ANK1: variants seen among roughly 807,000 people sequenced by gnomAD.
The protein encoded by ANK1 is ankyrin 1.
Under a neutral mutation model 210.4 loss-of-function variants are expected in ANK1, and 51 were observed. The observed-to-expected ratio is 0.24, with a 90% confidence interval of 0.19 to 0.31. The LOEUF (loss-of-function observed/expected upper bound fraction) is 0.31. ANK1 is among the 10% of genes least tolerant of loss of function. ANK1 has a pLI of 1.00. For missense variants in ANK1, 2,051 were observed against 2,504.4 expected (o/e 0.82, Z 3.86); for synonymous variants, 967 against 1,025.9 (o/e 0.94, Z 1.10).
At chr8:41,827,047 GT>G (rs1179196914) in intron 1 of ANK1, among the ~76,000 whole-genome samples, 1 of 152,188 alleles carries the variant, frequency 6.6e-6, no homozygotes, top group Non-Finnish European at 1.5e-5. Flanking sequence ...TTGAGAATTG[GT>G]TTTCTGTTGC....
chr8:41,805,693 T>C (rs1009427196), intron 1 of ANK1, among the ~76,000 whole-genome samples: 1 of 152,214 alleles, frequency 6.6e-6, no homozygotes, highest in Non-Finnish European at 1.5e-5. Flanking sequence ...AGACAACATA[T>C]TTTTCTGAAA....
At chr8:41,697,366 A>G (rs1821355589) in intron 24 of ANK1, among the ~76,000 whole-genome samples, 1 of 152,040 alleles carries the variant, frequency 6.6e-6, no homozygotes, top group African/African-American at 2.4e-5. Context: ...ACCTGAACCT[A>G]GCCTTGCTGC....
chr8:41,784,927 G>C (rs574379704), intron 1 of ANK1, among the ~76,000 whole-genome samples: 4 of 152,360 alleles, frequency 2.6e-5, no homozygotes, highest in Admixed American at 6.5e-5. Context: ...GCCTTCCCCA[G>C]GTCACACATG....
intron 16 of ANK1, 139 bp from the exon 17 acceptor site, chr8:41,709,114 AGGT>A: frequency 1.3e-6 from 1 of 799,552 alleles, no homozygotes. Context: ...GGAGCAATTT[AGGT>A]AAACAAACAA....
At chr8:41,728,142 C>T (rs556466795) in intron 3 of ANK1, 136 bp from the exon 4 acceptor site, 7 of 716,996 alleles carry the variant, frequency 9.8e-6, no homozygotes, top group East Asian at 2.7e-5. Flanking sequence ...AAAGGACACA[C>T]GTGTGTGCTT....
intron 1 of ANK1, among the ~76,000 whole-genome samples, chr8:41,871,553 G>A (rs907592112): frequency 3.3e-5 from 5 of 152,128 alleles, no homozygotes; most frequent in African/African-American, 9.7e-5. Context: ...ATCGGGGGGC[G>A]ATGTTTCCAC....
chr8:41,808,923 AGT>A (rs917536606), intron 1 of ANK1, among the ~76,000 whole-genome samples: 3 of 152,202 alleles, frequency 2.0e-5, no homozygotes, highest in African/African-American at 7.2e-5. Flanking sequence ...CCAGAAAATG[AGT>A]GTTTCTCTGC....
intron 4 of ANK1, 85 bp downstream of exon 4, chr8:41,727,823 C>T (rs1413199222): frequency 7.0e-6 from 9 of 1,291,134 alleles, no homozygotes; most frequent in Non-Finnish European, 1.0e-5. Flanking sequence ...GTTAACACGG[C>T]TGCCAATGGA....
chr8:41,863,849 T>C (rs964772890), intron 1 of ANK1, among the ~76,000 whole-genome samples: 2 of 152,202 alleles, frequency 1.3e-5, no homozygotes, highest in Non-Finnish European at 2.9e-5. Context: ...TTGCCACGCA[T>C]CCAGGGGCTT....
chr8:41,752,394 C>T (rs1309014087), intron 2 of ANK1, among the ~76,000 whole-genome samples: 1 of 152,174 alleles, frequency 6.6e-6, no homozygotes, highest in Non-Finnish European at 1.5e-5. Context: ...CTCTCATCAG[C>T]CCCCGTCAGC....
intron 1 of ANK1, among the ~76,000 whole-genome samples, chr8:41,821,423 T>C (rs1448312100): frequency 6.6e-6 from 1 of 152,078 alleles, no homozygotes; most frequent in Non-Finnish European, 1.5e-5. Flanking sequence ...AAAAGAAAGC[T>C]CTTTAGGGGA....
At chr8:41,833,439 G>T (rs146635882) in intron 1 of ANK1, among the ~76,000 whole-genome samples, 1 of 152,186 alleles carries the variant, frequency 6.6e-6, no homozygotes, top group Non-Finnish European at 1.5e-5. Flanking sequence ...GGAAAAATCT[G>T]TCCAGAATTT....
chr8:41,769,191 G>A (rs1842504766), intron 1 of ANK1, among the ~76,000 whole-genome samples: 1 of 152,194 alleles, frequency 6.6e-6, no homozygotes, highest in South Asian at 2.1e-4. Context: ...AGATGACAAT[G>A]TGAGAATTCT....
upstream of ANK1, among the ~76,000 whole-genome samples, chr8:41,799,162 T>TTTG (rs534992721): frequency 3.5e-3 from 533 of 152,048 alleles, 3 homozygotes; most frequent in African/African-American, 0.012. Context: ...ACAATGGCTG[T>TTTG]TTGTTGTTGT....
At chr8:41,683,856 G>A (rs887947910) in intron 37 of ANK1, among the ~76,000 whole-genome samples, 13 of 152,160 alleles carry the variant, frequency 8.5e-5, no homozygotes, top group African/African-American at 3.1e-4. Flanking sequence ...GGGCTTGGGG[G>A]CAGAGGTCAC....
In ANK1 at chr8:41,721,502, C is replaced by CA. The variant is rs1276051565; in HGVS notation, c.909+1622dup. 3.3e-5 allele frequency among the ~76,000 whole-genome samples: 5 copies of CA among 152,042 alleles called. No individual in the cohort carries two copies. In the South Asian group the frequency reaches 6.2e-4, roughly 19 times the overall value. On this transcript the variant is annotated intron_variant, in intron 9 of 42. Transcript: ENST00000289734. Reference sequence around the variant, plus strand: ...TGAATCCCCATCTCTACTAAAAATACAAAAATAGGCCAGGCGTGGTGGCAT... The same window carrying CA: ...TGAATCCCCATCTCTACTAAAAATACAAAAAATAGGCCAGGCGTGGTGGCAT...
chr8:41,656,505 C>CT (rs1805761577), intron 42 of ANK1, among the ~76,000 whole-genome samples: 1 of 152,250 alleles, frequency 6.6e-6, no homozygotes, highest in East Asian at 1.9e-4. Context: ...AGCCCACATT[C>CT]TTCAGCCTGG....
intron 2 of ANK1, among the ~76,000 whole-genome samples, chr8:41,743,809 CATAT>C (rs72065624): frequency 6.6e-6 from 1 of 151,094 alleles, no homozygotes; most frequent in Non-Finnish European, 1.5e-5. Context: ...ATTGATTCTT[CATAT>C]ATATATATAT....
chr8:41,783,326 G>A (rs1845702646), intron 1 of ANK1, among the ~76,000 whole-genome samples: 1 of 152,098 alleles, frequency 6.6e-6, no homozygotes, highest in Non-Finnish European at 1.5e-5. Flanking sequence ...CTAATTTTTG[G>A]AAAGTTCTTT....
Sources: gnomAD v4.1 joint callset for allele counts (sites outside exome capture counted in the v4.1 genomes callset) on GRCh38, gnomAD v4.1.1 for gene constraint, MANE v1.5 for transcripts, NCBI Gene and HGNC (gene_info 2026-07-23, HGNC 2026-07-21) for gene names.